GLIS3: variants seen among roughly 807,000 people sequenced by gnomAD.
GLIS3 encodes the protein GLIS family zinc finger 3.
A neutral mutation model predicts 78.6 loss-of-function variants in GLIS3; 53 were observed. The observed-to-expected ratio is 0.67, with a 90% CI of 0.54 to 0.85. The LOEUF (loss-of-function observed/expected upper bound fraction) is 0.85. Ranked by LOEUF, GLIS3 falls within the 40% of genes least tolerant of loss-of-function variation. The probability of loss-of-function intolerance (pLI) is 0.00; values close to 1 mark genes in which losing one functional copy is unlikely to be tolerated. For missense variants in GLIS3, 1,703 were observed against 1,231.1 expected (o/e 1.38, Z -5.74); for synonymous variants, 684 against 509.9 (o/e 1.34, Z -4.60).
intron 9 of GLIS3, among the ~76,000 whole-genome samples, chr9:3,855,202 C>T (rs7851697): frequency 0.74 from 112,621 of 152,118 alleles, 42,111 homozygotes; most frequent in East Asian, 0.83. Flanking sequence ...CAAAATGAGT[C>T]TAAATAAAGA....
chr9:4,343,506 G>A (rs753198943), intron 2 of GLIS3, among the ~76,000 whole-genome samples: 1 of 152,144 alleles, frequency 6.6e-6, no homozygotes, highest in Non-Finnish European at 1.5e-5. Context: ...GCAGTTTGGC[G>A]ATTACTCAAA....
chr9:4,200,234 A>T (rs1251301775), intron 2 of GLIS3, among the ~76,000 whole-genome samples: 1 of 152,150 alleles, frequency 6.6e-6, no homozygotes, highest in Non-Finnish European at 1.5e-5. Context: ...CTAACCTCAA[A>T]CCTAGAGGAA....
Position 4,219,920 on chromosome 9 carries a change from A to G in GLIS3, c.388+66118T>C, listed in dbSNP as rs144131808. On this transcript the variant is annotated intron_variant, in intron 2 of 10. Coordinates refer to ENST00000381971, the MANE Select transcript of GLIS3 (RefSeq NM_001042413.2). ...CCAGCACTCAGATCTTGGTTTCTAA[A>G]TACCACTGTCCACTAAAAGTAACCA... 4.7e-3 allele frequency among the ~76,000 whole-genome samples: 709 copies of G among 152,274 alleles called. 4 individuals carry two copies. The highest frequency in any genetic ancestry group is 8.5e-3 in the Non-Finnish European group (579 of 68,030).
the GLIS3 span, among the ~76,000 whole-genome samples, chr9:4,433,186 CTT>C: frequency 2.0e-5 from 3 of 152,174 alleles, no homozygotes; most frequent in Admixed American, 2.0e-4. Context: ...AATCCCAACA[CTT>C]TGGGAAGTTG....
chr9:4,057,660 A>G (rs1375778833), intron 4 of GLIS3, among the ~76,000 whole-genome samples: 1 of 152,176 alleles, frequency 6.6e-6, no homozygotes, highest in Non-Finnish European at 1.5e-5. Flanking sequence ...GAAATAAAAA[A>G]GAAAGAAAGG....
intron 2 of GLIS3, among the ~76,000 whole-genome samples, chr9:4,217,247 G>T (rs1053316008): frequency 4.6e-5 from 7 of 152,160 alleles, no homozygotes; most frequent in Admixed American, 3.9e-4. Flanking sequence ...AGAACATAGG[G>T]TATGCATGTG....
At chr9:4,046,668 C>T (rs1044026646) in intron 4 of GLIS3, among the ~76,000 whole-genome samples, 9 of 152,166 alleles carry the variant, frequency 5.9e-5, no homozygotes, top group African/African-American at 1.9e-4. Context: ...TCACTTCTAG[C>T]GTTGCATTTT....
chr9:4,223,428 T>C lies in GLIS3; in HGVS notation c.388+62610A>G, dbSNP rs188512195. Among the ~76,000 whole-genome samples the C allele has an allele frequency of 8.5e-5, 13 of 152,308 alleles. No homozygotes were observed. In the East Asian group the frequency reaches 2.5e-3, roughly 29 times the overall value. On this transcript the variant is annotated intron_variant, in intron 2 of 10. Coordinates refer to ENST00000381971, the MANE Select transcript of GLIS3 (RefSeq NM_001042413.2). ...TGCCTCCCTCAAAGACTCAATCGGA[T>C]TGCCTCACAAACAAACCATACAGAG... is the stretch of plus-strand genomic sequence containing the variant.
intron 4 of GLIS3, among the ~76,000 whole-genome samples, chr9:3,958,467 G>C (rs1817310832): frequency 6.6e-6 from 1 of 152,202 alleles, no homozygotes; most frequent in Non-Finnish European, 1.5e-5. Flanking sequence ...TGGGGTTGGA[G>C]TCAGACTGAT....
At chr9:4,157,338 T>G (rs1835114833) in intron 2 of GLIS3, among the ~76,000 whole-genome samples, 1 of 152,156 alleles carries the variant, frequency 6.6e-6, no homozygotes, top group Non-Finnish European at 1.5e-5. Context: ...GGACTGATTT[T>G]GCCTGCTTCT....
intron 2 of GLIS3, among the ~76,000 whole-genome samples, chr9:4,156,281 G>A (rs1331747358): frequency 6.6e-6 from 1 of 152,000 alleles, no homozygotes; most frequent in East Asian, 1.9e-4. Context: ...CTTTAATGCA[G>A]TCTCTGCCCT....
chr9:4,401,726 G>A, the GLIS3 span, among the ~76,000 whole-genome samples: 2 of 151,902 alleles, frequency 1.3e-5, no homozygotes, highest in African/African-American at 2.4e-5. Context: ...CAAGTAGCTG[G>A]GACTACAGGT....
upstream of GLIS3, among the ~76,000 whole-genome samples, chr9:4,349,520 GA>G (rs1237520299): frequency 6.6e-6 from 1 of 151,932 alleles, no homozygotes; most frequent in Non-Finnish European, 1.5e-5. Flanking sequence ...TCATTGCACA[GA>G]AAAAAATCCC....
At chr9:3,974,190 G>T (rs1220872018) in intron 4 of GLIS3, among the ~76,000 whole-genome samples, 1 of 151,876 alleles carries the variant, frequency 6.6e-6, no homozygotes, top group Non-Finnish European at 1.5e-5. Flanking sequence ...GAAATTTTAT[G>T]AATTACATAC....
intron 2 of GLIS3, among the ~76,000 whole-genome samples, chr9:4,207,028 T>G (rs1048199474): frequency 6.6e-6 from 1 of 152,188 alleles, no homozygotes; most frequent in African/African-American, 2.4e-5. Flanking sequence ...CAAAGACAAC[T>G]TGCCCTTTTA....
chr9:4,473,231 C>A, the GLIS3 span, among the ~76,000 whole-genome samples: 1 of 151,860 alleles, frequency 6.6e-6, no homozygotes, highest in Non-Finnish European at 1.5e-5. Context: ...TACTACGCAG[C>A]CATAGAAAGA....
At chr9:4,181,121 G>A (rs1817286092) in intron 2 of GLIS3, among the ~76,000 whole-genome samples, 1 of 152,224 alleles carries the variant, frequency 6.6e-6, no homozygotes, top group African/African-American at 2.4e-5. Context: ...CAGCTCCTCA[G>A]AATGCTTTTG....
At chr9:4,140,901 C>G (rs755928300) in intron 2 of GLIS3, among the ~76,000 whole-genome samples, 1 of 151,748 alleles carries the variant, frequency 6.6e-6, no homozygotes, top group Non-Finnish European at 1.5e-5. Context: ...TGGGTTCAAG[C>G]GATTCTCCTG....
At chr9:4,376,535 G>A in the GLIS3 span, among the ~76,000 whole-genome samples, 8 of 117,290 alleles carry the variant, frequency 6.8e-5, 3 homozygotes, top group Non-Finnish European at 1.6e-4. Flanking sequence ...TAAAAGACAA[G>A]CAAACCTGAC....
Sources: gnomAD v4.1 joint callset for allele counts (sites outside exome capture counted in the v4.1 genomes callset) on GRCh38, gnomAD v4.1.1 for gene constraint, MANE v1.5 for transcripts, NCBI Gene and HGNC (gene_info 2026-07-23, HGNC 2026-07-21) for gene names.